FGD3: variants seen among roughly 807,000 people sequenced by gnomAD.
FGD3 encodes FYVE, RhoGEF and PH domain containing 3.
Under a neutral mutation model 71.8 loss-of-function variants are expected in FGD3, and 45 were observed. The observed-to-expected ratio is 0.63, with a 90% CI of 0.49 to 0.80. The LOEUF is 0.80. Ranked by LOEUF, FGD3 falls within the 30% of genes least tolerant of loss-of-function variation. FGD3 has a pLI of 0.00. For synonymous variants in FGD3, 378 were observed against 392.8 expected, an observed-to-expected ratio of 0.96 and a Z score of 0.44; for missense variants, 844 against 951.5, an observed-to-expected ratio of 0.89 and a Z score of 1.49.
chr9:92,976,571 G>A lies in FGD3; in HGVS notation c.315G>A (p.Leu105=), dbSNP rs1859764579. ...GLEAGPSPTV[L]GAHAEMALDS... Reference sequence around the variant, plus strand: ...AGGCTGGCCCAAGCCCCACTGTACTGGGGGCGCACGCAGAGATGGCCCTGG... The same window carrying A: ...AGGCTGGCCCAAGCCCCACTGTACTAGGGGCGCACGCAGAGATGGCCCTGG... The change falls in exon 3 of 18, where the codon CTG becomes CTA. Residue 105 remains leucine (L), a synonymous_variant. Coordinates refer to ENST00000375482, the MANE Select transcript of FGD3 (RefSeq NM_001083536.2). The A allele has an allele frequency of 4.3e-6, 7 of 1,612,626 alleles. No individual in the cohort carries two copies. The highest frequency in any genetic ancestry group is 5.9e-6 in the Non-Finnish European group (7 of 1,179,856).
chr9:92,994,607 G>T lies in FGD3; in HGVS notation c.454-8318G>T, dbSNP rs1860555241. 2.0e-5 allele frequency among the ~76,000 whole-genome samples: 3 copies of T among 152,316 alleles called. No individual in the cohort carries two copies. The South Asian group carries it at 6.2e-4, about 32-fold the overall frequency. On this transcript the variant is annotated intron_variant, in intron 3 of 17. Transcript: ENST00000375482. Reference sequence around the variant, plus strand: ...TCTTCCAGGGTTTTTATGGTTTTAGGTCTAACGTTTAAGTCTTTAATCCAT... The same window carrying T: ...TCTTCCAGGGTTTTTATGGTTTTAGTTCTAACGTTTAAGTCTTTAATCCAT...
At chr9:93,028,923 A>G (rs1363999322) in intron 14 of FGD3, among the ~76,000 whole-genome samples, 2 of 147,030 alleles carry the variant, frequency 1.4e-5, no homozygotes, top group African/African-American at 5.0e-5. Flanking sequence ...CAGTTCAGGC[A>G]CAGGAGACAG....
rs143547985 is a variant in FGD3, at chr9:92,955,599, C to T, written c.-218+7870C>T. 1.1e-4 allele frequency among the ~76,000 whole-genome samples: 16 copies of T among 152,218 alleles called. No individual in the cohort carries two copies. The East Asian group carries it at 2.7e-3, about 26-fold the overall frequency. The stretch of plus-strand genomic sequence containing the variant: ...TGCAGAGATACTGTGGGCCTTTACC[C>T]GGGATTTCCCAGTGGTAACAGCTTG... On this transcript the variant is annotated intron_variant, in intron 1 of 17. Coordinates refer to ENST00000375482, the MANE Select transcript of FGD3 (RefSeq NM_001083536.2).
chr9:92,976,084 C>A, intron 2 of FGD3, 124 bp from the exon 3 acceptor site: 2 of 598,430 alleles, frequency 3.3e-6, no homozygotes, highest in South Asian at 2.5e-5. Flanking sequence ...ACCCCCAGCC[C>A]ACCTGCTCCA....
At position 93,026,911 on chromosome 9, in the gene FGD3, G is replaced by A. The variant is rs75120068; in HGVS notation, c.1558-2963G>A. On this transcript the variant is annotated intron_variant, in intron 14 of 17. Coordinates refer to ENST00000375482, the MANE Select transcript of FGD3 (RefSeq NM_001083536.2). ...GCAGTTCTGGGCTGAGGTGCACATCGGGGCTGCCCTTCCACTAATCACTCC... is the reference window on the plus strand; with the variant it reads ...GCAGTTCTGGGCTGAGGTGCACATCAGGGCTGCCCTTCCACTAATCACTCC... Among the ~76,000 whole-genome samples, 1,092 of 152,348 alleles carry A rather than the reference G, an allele frequency of 7.2e-3. 6 individuals carry two copies. The highest frequency in any genetic ancestry group is 7.5e-3 in the Non-Finnish European group (511 of 68,038).
chr9:93,010,517 A>AAGAGTC (rs1564161555), intron 7 of FGD3, 133 bp downstream of exon 7: 20 of 743,798 alleles, frequency 2.7e-5, no homozygotes, highest in Non-Finnish European at 3.7e-5. Context: ...ACCAGAGGGA[A>AAGAGTC]AGAGACAGAG....
chr9:92,971,797 A>G (rs1412623029), intron 1 of FGD3, among the ~76,000 whole-genome samples: 1 of 151,790 alleles, frequency 6.6e-6, no homozygotes, highest in Non-Finnish European at 1.5e-5. Flanking sequence ...CCATTGATGC[A>G]TAATGTTTAA....
intron 1 of FGD3, chr9:92,974,867 C>A (rs561062450): frequency 2.0e-5 from 3 of 152,268 alleles, no homozygotes; most frequent in African/African-American, 7.2e-5. Flanking sequence ...AGGGGCCTGG[C>A]GATGCCCACC....
intron 1 of FGD3, among the ~76,000 whole-genome samples, chr9:92,950,075 C>T (rs1858926938): frequency 6.7e-6 from 1 of 149,534 alleles, no homozygotes; most frequent in South Asian, 2.1e-4. Context: ...ATCTGTTCAC[C>T]TGTTATTCCA....
chr9:92,996,424 C>T (rs1179064895), intron 3 of FGD3, among the ~76,000 whole-genome samples: 1 of 152,058 alleles, frequency 6.6e-6, no homozygotes, highest in East Asian at 1.9e-4. Context: ...TTCAAAAAAC[C>T]AGCTCCTGGA....
At chr9:92,981,373 A>AT (rs1395366170) in intron 3 of FGD3, among the ~76,000 whole-genome samples, 17 of 151,212 alleles carry the variant, frequency 1.1e-4, no homozygotes, top group Admixed American at 1.1e-3. Context: ...ATCTCCAAAA[A>AT]AAAAAAAAAA....
At position 93,010,370 on chromosome 9, in the gene FGD3, G is replaced by T; in HGVS notation, c.962G>T (p.Arg321Leu). The change falls in exon 7 of 18, where the codon CGG (arginine) becomes CTG (leucine). Residue 321 changes from arginine (R) to leucine (L), a missense_variant. Coordinates refer to ENST00000375482, the MANE Select transcript of FGD3 (RefSeq NM_001083536.2). ...AGGCTCCCGCAGGACGCCCCAGACC[G>T]GAAGGATGCGGAGAGTGAGCTGGGG... ...LKRLPQDAPD[R>L]KDAERSLELI... 1 of 1,609,980 alleles carries T rather than the reference G, an allele frequency of 6.2e-7. No homozygotes were observed.
At chr9:92,966,761 C>T (rs894071794) in intron 1 of FGD3, among the ~76,000 whole-genome samples, 1 of 152,232 alleles carries the variant, frequency 6.6e-6, no homozygotes, top group Non-Finnish European at 1.5e-5. Flanking sequence ...TCCCGCCTCC[C>T]CTGGACACCC....
chr9:92,978,776 T>A (rs954531207), intron 3 of FGD3, among the ~76,000 whole-genome samples: 1 of 7,028 alleles, frequency 1.4e-4, no homozygotes, highest in African/African-American at 8.3e-4. Flanking sequence ...GCCCCTCCCC[T>A]CCCCTCCCCT....
At chr9:92,996,638 C>A (rs965635271) in intron 3 of FGD3, among the ~76,000 whole-genome samples, 1 of 151,994 alleles carries the variant, frequency 6.6e-6, no homozygotes, top group African/African-American at 2.4e-5. Flanking sequence ...CGCTCTACAC[C>A]CTGCTTTAAA....
chr9:93,004,658 A>G (rs1457619327), intron 5 of FGD3, among the ~76,000 whole-genome samples: 5 of 152,084 alleles, frequency 3.3e-5, no homozygotes, highest in African/African-American at 4.8e-5. Context: ...CAGACTCATC[A>G]GTTCCCCACG....
rs1860919904 is a variant in FGD3 at position 93,003,079 on chromosome 9, G to A, written c.543+65G>A. On this transcript the variant is annotated intron_variant, in intron 4 of 17. Transcript: ENST00000375482. The surrounding 1 kb of genome is among the most constrained non-coding windows in gnomAD (Gnocchi z 4.1). ...GCATTGGCTGGGCATTATAGGTGCAGTGTGAATGACTTAAATACTAAAACT... is the reference window on the plus strand; with the variant it reads ...GCATTGGCTGGGCATTATAGGTGCAATGTGAATGACTTAAATACTAAAACT... The A allele has an allele frequency of 7.0e-7, 1 of 1,435,242 alleles. No homozygotes were observed. Among genetic ancestry groups the A allele is most frequent in the Non-Finnish European group, 9.8e-7 (1 of 1,023,802 alleles). The allele number at this position is 1,435,242 out of a possible 1,614,324, so 88.9% of individuals were successfully genotyped here. A position where few individuals can be genotyped will look rare whatever the true frequency, so the allele number is the denominator to read the frequency against.
intron 1 of FGD3, among the ~76,000 whole-genome samples, chr9:92,955,998 G>A (rs1859043934): frequency 6.6e-6 from 1 of 152,118 alleles, no homozygotes; most frequent in Non-Finnish European, 1.5e-5. Flanking sequence ...ATGTGTAAAT[G>A]ACAACATAGT....
Position 92,950,036 on chromosome 9 carries a change from CTT to C in FGD3, c.-218+2317_-218+2318del, listed in dbSNP as rs35087926. 1.3e-3 allele frequency among the ~76,000 whole-genome samples: 196 copies of C among 146,812 alleles called. 1 individual carries two copies. The highest frequency in any genetic ancestry group is 4.3e-3 in the African/African-American group (171 of 39,790). The stretch of plus-strand genomic sequence containing the variant: ...TTCCCCCCTCCCTTCTTTCCTTCCT[CTT>C]TTTTTTTTTCTTTTTCTCCTCCCTT... On this transcript the variant is annotated intron_variant, in intron 1 of 17. Coordinates refer to ENST00000375482, the MANE Select transcript of FGD3 (RefSeq NM_001083536.2).
Sources: gnomAD v4.1 joint callset for allele counts (sites outside exome capture counted in the v4.1 genomes callset) on GRCh38, gnomAD v4.1.1 for gene constraint, Gnocchi (gnomAD v3.1) non-coding constraint, MANE v1.5 for transcripts, NCBI Gene and HGNC (gene_info 2026-07-23, HGNC 2026-07-21) for gene names.